Variants in PCDHA2 observed in about 807,000 individuals in gnomAD.
The protein encoded by PCDHA2 is protocadherin alpha 2.
A neutral mutation model predicts 66.0 loss-of-function variants in PCDHA2; 58 were observed. That is an observed-to-expected ratio of 0.88 (90% CI 0.71 to 1.09). The LOEUF (loss-of-function observed/expected upper bound fraction) is 1.09, where lower values mean the gene tolerates loss of function less well. PCDHA2 is among the 50% of genes least tolerant of loss of function. PCDHA2 has a pLI of 0.00. For missense variants in PCDHA2, 1,267 were observed against 1,242.3 expected, an observed-to-expected ratio of 1.02 and a Z score of -0.30; for synonymous variants, 634 against 554.0, an observed-to-expected ratio of 1.14 and a Z score of -2.03.
intron 1 of PCDHA2, chr5:140,805,119 C>T (rs1763512854): frequency 6.3e-7 from 1 of 1,586,506 alleles, no homozygotes; most frequent in Admixed American, 1.7e-5. Flanking sequence ...TAACAAGACT[C>T]TTGGCAAAGA....
intron 1 of PCDHA2, chr5:140,822,964 G>C: frequency 6.2e-7 from 1 of 1,614,232 alleles, no homozygotes; most frequent in Admixed American, 1.7e-5. Context: ...CTTCAAGCTG[G>C]TGTCCACCTT....
At chr5:140,870,181 G>C in intron 1 of PCDHA2, 1 of 1,614,160 alleles carries the variant, frequency 6.2e-7, no homozygotes, top group Non-Finnish European at 8.5e-7. Context: ...CCCAGTACGA[G>C]AGGACGCTCA....
At chr5:140,905,351 TTGACTA>T (rs2071764307) in intron 1 of PCDHA2, among the ~76,000 whole-genome samples, 1 of 152,208 alleles carries the variant, frequency 6.6e-6, no homozygotes, top group Non-Finnish European at 1.5e-5. Context: ...CTGTAAGTAT[TTGACTA>T]TATTTCTGGT....
intron 1 of PCDHA2, chr5:140,851,996 G>C: frequency 1.0e-6 from 1 of 976,024 alleles, no homozygotes; most frequent in Non-Finnish European, 1.2e-6. Flanking sequence ...CTATTTGTTT[G>C]TTTTCTAATT....
chr5:140,802,102 T>C, intron 1 of PCDHA2: 1 of 1,614,156 alleles, frequency 6.2e-7, no homozygotes, highest in Non-Finnish European at 8.5e-7. Flanking sequence ...AATGGACAAA[T>C]CAGTGTAAAG....
rs782098091 is a variant in PCDHA2 at position 140,802,239 on chromosome 5, C to A, written c.2388+4887C>A. 2.5e-6 allele frequency: 4 copies of A among 1,614,070 alleles called. No homozygotes were observed. The African/African-American group carries it at 4.0e-5, about 16-fold the overall frequency. ...AATTGTGGACATCAATGATAATGTA[C>A]CTGAGTTAGTTATTCAATCACTATC... On this transcript the variant is annotated intron_variant, in intron 1 of 3. Transcript: ENST00000526136.
intron 1 of PCDHA2, among the ~76,000 whole-genome samples, chr5:140,885,621 T>G (rs528108703): frequency 1.3e-5 from 2 of 152,188 alleles, no homozygotes; most frequent in Non-Finnish European, 2.9e-5. Context: ...ATAAAATATG[T>G]CACTGGATTG....
chr5:140,839,588 C>T lies in PCDHA2; in HGVS notation c.2388+42236C>T, dbSNP rs145358613. 8.3e-3 allele frequency among the ~76,000 whole-genome samples: 1,255 copies of T among 152,068 alleles called. 26 individuals are homozygous for T. Among genetic ancestry groups the T allele is most frequent in the African/African-American group, 0.029 (1,202 of 41,420 alleles). On this transcript the variant is annotated intron_variant, in intron 1 of 3. Transcript: ENST00000526136. ...TATTTTTTGTAGAGATGGGGTCTTACCATGTTGCCCAGGCTGGTCTCAAAC... is the reference window on the plus strand; with the variant it reads ...TATTTTTTGTAGAGATGGGGTCTTATCATGTTGCCCAGGCTGGTCTCAAAC...
chr5:140,850,843 C>T, intron 1 of PCDHA2: 1 of 1,597,346 alleles, frequency 6.3e-7, no homozygotes, highest in African/African-American at 1.3e-5. Flanking sequence ...GCTGGATCTA[C>T]AGAGCGAACG....
intron 1 of PCDHA2, among the ~76,000 whole-genome samples, chr5:140,819,138 A>G (rs1283315927): frequency 6.6e-6 from 1 of 152,218 alleles, no homozygotes; most frequent in Non-Finnish European, 1.5e-5. Context: ...ATAATAGAAT[A>G]AATTAATTTT....
At chr5:140,841,924 C>T (rs1199272696) in intron 1 of PCDHA2, 2 of 1,613,772 alleles carry the variant, frequency 1.2e-6, no homozygotes, top group African/African-American at 2.7e-5. Context: ...AATCCTTGGA[C>T]AGAGAGGACG....
chr5:140,882,966 T>C (rs201472469), intron 1 of PCDHA2: 3 of 1,614,202 alleles, frequency 1.9e-6, no homozygotes, highest in Non-Finnish European at 8.5e-7. Context: ...ATCACGATTC[T>C]GGACGTGAAT....
intron 1 of PCDHA2, among the ~76,000 whole-genome samples, chr5:140,941,207 C>CTTCCTTTCTT (rs1563185091): frequency 3.9e-5 from 4 of 103,272 alleles, no homozygotes; most frequent in African/African-American, 1.7e-4. Context: ...TTCTTCCTTT[C>CTTCCTTTCTT]TTTCTTCCTT....
chr5:140,830,374 G>T, intron 1 of PCDHA2: 2 of 1,614,156 alleles, frequency 1.2e-6, no homozygotes, highest in Non-Finnish European at 8.5e-7. Context: ...TGTGCTCCGG[G>T]GAGGGCCCAC....
intron 1 of PCDHA2, among the ~76,000 whole-genome samples, chr5:140,890,900 A>G (rs1554184581): frequency 6.6e-6 from 1 of 151,984 alleles, no homozygotes; most frequent in Admixed American, 6.6e-5. Flanking sequence ...TTGTCTTTCC[A>G]TGTTAGAATA....
At chr5:140,969,760 C>T (rs1166018588) in intron 1 of PCDHA2, among the ~76,000 whole-genome samples, 1 of 152,194 alleles carries the variant, frequency 6.6e-6, no homozygotes, top group Non-Finnish European at 1.5e-5. Flanking sequence ...TTAAAAAGCT[C>T]TGAGGCCTCT....
Position 140,797,284 on chromosome 5 carries a change from C to G in PCDHA2, c.2320C>G (p.Pro774Ala), listed in dbSNP as rs1218080723. Reference sequence around the variant, plus strand: ...CAAGACGGACCTCATGGCCTTCAGCCCTAGCTTATCTCAAGGTCCAGACTC... The same window carrying G: ...CAAGACGGACCTCATGGCCTTCAGCGCTAGCTTATCTCAAGGTCCAGACTC... ...PPKTDLMAFS[P>A]SLSQGPDSAE... Residue 774 changes from proline (P) to alanine (A), a missense_variant, in exon 1 of 4, where the codon CCT becomes GCT. Physicochemically the swap from Pro to Ala is conservative, Grantham distance 27. Coordinates refer to ENST00000526136, the MANE Select transcript of PCDHA2 (RefSeq NM_018905.3). 1 of 1,614,100 alleles carries G rather than the reference C, an allele frequency of 6.2e-7. No individual in the cohort carries two copies. The highest frequency in any genetic ancestry group is 8.5e-7 in the Non-Finnish European group (1 of 1,180,062).
At chr5:140,818,715 G>A (rs1293296922) in intron 1 of PCDHA2, among the ~76,000 whole-genome samples, 2 of 152,184 alleles carry the variant, frequency 1.3e-5, no homozygotes, top group Non-Finnish European at 1.5e-5. Flanking sequence ...GTGCACACCT[G>A]TGGTCCCAGC....
At chr5:140,863,295 C>G in intron 1 of PCDHA2, 1 of 1,463,648 alleles carries the variant, frequency 6.8e-7, no homozygotes, top group South Asian at 1.1e-5. Context: ...TGTACCTGAT[C>G]ATCGCCATCT....
Sources: gnomAD v4.1 joint callset for allele counts (sites outside exome capture counted in the v4.1 genomes callset) on GRCh38, gnomAD v4.1.1 for gene constraint, MANE v1.5 for transcripts, NCBI Gene and HGNC (gene_info 2026-07-23, HGNC 2026-07-21) for gene names.